Variants in KCNB2 observed in about 807,000 individuals in gnomAD.
KCNB2 encodes potassium voltage-gated channel subfamily B member 2, also known as delayed rectifier potassium channel protein.
KCNB2 carries 15 observed loss-of-function variants against 61.5 expected under a neutral mutation model. That is an observed-to-expected ratio of 0.24 (90% CI 0.16 to 0.38). The LOEUF is 0.38. Ranked by LOEUF, KCNB2 falls within the 10% of genes least tolerant of loss-of-function variation. The pLI, the probability that KCNB2 is intolerant of heterozygous loss-of-function variation, is 1.00. For synonymous variants in KCNB2, 457 were observed against 446.0 expected (o/e 1.02, Z -0.31); for missense variants, 828 against 1,125.2 (o/e 0.74, Z 3.78).
intron 2 of KCNB2, among the ~76,000 whole-genome samples, chr8:72,655,348 A>G (rs941864239): frequency 3.3e-5 from 5 of 152,212 alleles, no homozygotes; most frequent in Admixed American, 2.0e-4. Flanking sequence ...ATTGGGTACT[A>G]TGGTTATTAC....
intron 1 of KCNB2, among the ~76,000 whole-genome samples, chr8:72,544,840 C>T (rs925656585): frequency 6.6e-6 from 1 of 152,130 alleles, no homozygotes; most frequent in Non-Finnish European, 1.5e-5. Flanking sequence ...ACATGAAGCT[C>T]TCTGCATCCA....
intron 2 of KCNB2, among the ~76,000 whole-genome samples, chr8:72,704,238 G>A (rs1260220252): frequency 2.0e-5 from 3 of 152,116 alleles, no homozygotes; most frequent in South Asian, 2.1e-4. Flanking sequence ...AAGTGGAATG[G>A]CATTAATGAC....
intron 2 of KCNB2, among the ~76,000 whole-genome samples, chr8:72,818,053 T>C (rs2919403): frequency 0.092 from 13,984 of 152,116 alleles, 1,146 homozygotes; most frequent in East Asian, 0.48. Flanking sequence ...TTGATGGATA[T>C]ATACAGATTT....
chr8:72,614,394 C>A (rs980449915), intron 2 of KCNB2, among the ~76,000 whole-genome samples: 24 of 152,226 alleles, frequency 1.6e-4, no homozygotes, highest in African/African-American at 5.8e-4. Context: ...GGGTTCAAAT[C>A]CTAGCTCTAC....
chr8:72,867,682 G>A (rs1434868436), intron 2 of KCNB2, among the ~76,000 whole-genome samples: 2 of 152,146 alleles, frequency 1.3e-5, no homozygotes, highest in African/African-American at 4.8e-5. Flanking sequence ...TTGAGGTTTC[G>A]AGAAGGCATG....
chr8:72,703,829 T>C (rs1279119047), intron 2 of KCNB2, among the ~76,000 whole-genome samples: 4 of 152,198 alleles, frequency 2.6e-5, no homozygotes, highest in Non-Finnish European at 5.9e-5. Context: ...ATGAAAACGA[T>C]GTGTGATTAG....
chr8:72,725,589 ATG>A (rs1207730339), intron 2 of KCNB2, among the ~76,000 whole-genome samples: 755 of 64,038 alleles, frequency 0.012, 14 homozygotes, highest in African/African-American at 0.056. Flanking sequence ...ATATATATGT[ATG>A]TATATATATA....
At chr8:72,768,180 T>G (rs1368942033) in intron 2 of KCNB2, among the ~76,000 whole-genome samples, 1 of 152,190 alleles carries the variant, frequency 6.6e-6, no homozygotes, top group Non-Finnish European at 1.5e-5. Context: ...TCTTTTCACC[T>G]TTGTGTGTGT....
chr8:72,709,295 A>G (rs1807285563), intron 2 of KCNB2, among the ~76,000 whole-genome samples: 1 of 152,152 alleles, frequency 6.6e-6, no homozygotes, highest in Non-Finnish European at 1.5e-5. Flanking sequence ...GGCATGTGGT[A>G]AGGACAAGAG....
At chr8:72,607,763 G>A (rs1025919201) in intron 2 of KCNB2, among the ~76,000 whole-genome samples, 5 of 151,942 alleles carry the variant, frequency 3.3e-5, no homozygotes, top group East Asian at 1.9e-4. Flanking sequence ...ATAAAATAGA[G>A]ACCCATATAT....
intron 2 of KCNB2, among the ~76,000 whole-genome samples, chr8:72,695,784 C>T (rs1807009009): frequency 6.6e-6 from 1 of 152,072 alleles, no homozygotes; most frequent in Non-Finnish European, 1.5e-5. Context: ...ATTCATAATC[C>T]CTGAGTGAAT....
intron 2 of KCNB2, among the ~76,000 whole-genome samples, chr8:72,733,909 C>G (rs1807794478): frequency 6.6e-6 from 1 of 152,122 alleles, no homozygotes; most frequent in Non-Finnish European, 1.5e-5. Flanking sequence ...GTGCAAGTGG[C>G]TATTTTTGTC....
chr8:72,741,573 C>G (rs1807960600), intron 2 of KCNB2, among the ~76,000 whole-genome samples: 1 of 151,948 alleles, frequency 6.6e-6, no homozygotes, highest in African/African-American at 2.4e-5. Context: ...ATTCCACCCC[C>G]TCACTCTTCC....
chr8:72,786,255 T>G (rs1348675633), intron 2 of KCNB2, among the ~76,000 whole-genome samples: 1 of 152,324 alleles, frequency 6.6e-6, no homozygotes, highest in South Asian at 2.1e-4. Context: ...GAGCACATTT[T>G]GCTCATGAAT....
chr8:72,820,245 A>G (rs1809473687), intron 2 of KCNB2, among the ~76,000 whole-genome samples: 1 of 152,208 alleles, frequency 6.6e-6, no homozygotes, highest in African/African-American at 2.4e-5. Context: ...TTATCTAGAC[A>G]GTAAGCCCAC....
intron 2 of KCNB2, among the ~76,000 whole-genome samples, chr8:72,573,682 AG>A (rs1290527901): frequency 4.6e-5 from 7 of 150,596 alleles, no homozygotes; most frequent in African/African-American, 1.7e-4. Context: ...CTCTACATTG[AG>A]GCCCCTCTGT....
chr8:72,658,891 A>T (rs1806335616), intron 2 of KCNB2, among the ~76,000 whole-genome samples: 1 of 152,178 alleles, frequency 6.6e-6, no homozygotes. Context: ...CACTGCTCAG[A>T]AAAAGATTCC....
At chr8:72,918,339 T>C (rs567788226) in intron 2 of KCNB2, among the ~76,000 whole-genome samples, 1 of 152,300 alleles carries the variant, frequency 6.6e-6, no homozygotes, top group Non-Finnish European at 1.5e-5. Context: ...AATGAGAGAA[T>C]GGGGTTGTGG....
chr8:72,584,031 A>C (rs1806957599), intron 2 of KCNB2, among the ~76,000 whole-genome samples: 1 of 151,510 alleles, frequency 6.6e-6, no homozygotes, highest in Non-Finnish European at 1.5e-5. Flanking sequence ...TAAGAATGCC[A>C]GTGGTGGTAG....
Sources: gnomAD v4.1 joint callset for allele counts (sites outside exome capture counted in the v4.1 genomes callset) on GRCh38, gnomAD v4.1.1 for gene constraint, MANE v1.5 for transcripts, NCBI Gene and HGNC (gene_info 2026-07-23, HGNC 2026-07-21) for gene names.